Variants in ZNF746 observed in about 807,000 individuals in gnomAD.
ZNF746 encodes parkin-interacting substrate.
A neutral mutation model predicts 41.0 loss-of-function variants in ZNF746; 13 were observed. The observed-to-expected ratio is 0.32, with a 90% CI of 0.21 to 0.50. The LOEUF (loss-of-function observed/expected upper bound fraction) is 0.50. Among genes scored for constraint, ZNF746 ranks in the 20% least tolerant of loss-of-function variants. ZNF746 has a pLI of 0.98. For synonymous variants in ZNF746, 424 were observed against 396.2 expected (o/e 1.07, Z -0.83); for missense variants, 811 against 922.9 (o/e 0.88, Z 1.57).
At chr7:149,495,741 C>G (rs563604618) in intron 1 of ZNF746, among the ~76,000 whole-genome samples, 7 of 152,206 alleles carry the variant, frequency 4.6e-5, no homozygotes, top group African/African-American at 1.7e-4. Flanking sequence ...AAAATAGAGA[C>G]AAAAGGAGAG....
intron 4 of ZNF746, among the ~76,000 whole-genome samples, chr7:149,480,756 C>T (rs1440055168): frequency 6.6e-6 from 1 of 152,050 alleles, no homozygotes; most frequent in Non-Finnish European, 1.5e-5. Flanking sequence ...ATTTTAAAAT[C>T]CAATGTGTAG....
intron 4 of ZNF746, among the ~76,000 whole-genome samples, chr7:149,481,955 G>A (rs1411148686): frequency 2.6e-5 from 4 of 152,090 alleles, no homozygotes; most frequent in Non-Finnish European, 5.9e-5. Context: ...TAAGTACTCT[G>A]GTAGTCATGT....
intron 6 of ZNF746, 56 bp from the exon 7 acceptor site, chr7:149,475,539 C>T: frequency 3.2e-6 from 5 of 1,546,784 alleles, no homozygotes; most frequent in South Asian, 2.4e-5. Context: ...GAGCGAGCCA[C>T]GATCTGCCAC....
intron 4 of ZNF746, among the ~76,000 whole-genome samples, chr7:149,485,244 A>C (rs1800589319): frequency 6.6e-6 from 1 of 152,184 alleles, no homozygotes; most frequent in Non-Finnish European, 1.5e-5. Context: ...AGACAAACCA[A>C]ATGGAGTGAC....
chr7:149,475,574 G>T, intron 6 of ZNF746, 91 bp from the exon 7 acceptor site: 2 of 1,520,064 alleles, frequency 1.3e-6, no homozygotes, highest in Non-Finnish European at 1.8e-6. Flanking sequence ...CAGCTGCCTG[G>T]CCAGACAAAC....
intron 1 of ZNF746, chr7:149,496,713 A>G: frequency 1.7e-6 from 1 of 597,624 alleles, no homozygotes; most frequent in Non-Finnish European, 2.1e-6. Context: ...GCAGAGCATC[A>G]GGCCAGGAGG....
chr7:149,476,313 C>CAAAAAAAAAAA (rs55888950), intron 6 of ZNF746, among the ~76,000 whole-genome samples: 1 of 63,314 alleles, frequency 1.6e-5, no homozygotes, highest in East Asian at 4.4e-4. Context: ...GACTCCGCCT[C>CAAAAAAAAAAA]AAAAAAAAAA....
rs770661123 is a variant in ZNF746 at position 149,477,659 on chromosome 7, G to A, written c.662C>T (p.Ala221Val). 17 of 1,613,842 alleles carry A rather than the reference G, an allele frequency of 1.1e-5. No individual in the cohort carries two copies. Among genetic ancestry groups the A allele is most frequent in the East Asian group, 2.2e-5 (1 of 44,886 alleles). ...AATATCTGGCTGCCCGGCTGCCCAC[G>A]CCTCCACGCCCAGGGCCTGCTGCTC... is the stretch of plus-strand genomic sequence containing the variant. ...LQEQQALGVE[A>V]WAAGQPDIGE... Residue 221 changes from alanine to valine, a missense_variant, in exon 5 of 7, where the codon GCG (alanine) becomes GTG (valine). Physicochemically the swap from Ala to Val is moderately conservative, Grantham distance 64. Transcript: ENST00000458143.
At position 149,474,740 on chromosome 7, in the gene ZNF746, G is replaced by A. The variant is rs1800225116; in HGVS notation, c.1627C>T (p.Arg543Cys). ...RCFTRPAHLIRHRMLHTGERP... is the reference protein window; with the variant it reads ...RCFTRPAHLICHRMLHTGERP... Reference sequence around the variant, plus strand: ...TCGCCGGTGTGCAGCATGCGATGGCGGATGAGGTGCGCGGGGCGCGTGAAG... The same window carrying A: ...TCGCCGGTGTGCAGCATGCGATGGCAGATGAGGTGCGCGGGGCGCGTGAAG... The change falls in exon 7 of 7, where the codon CGC (arginine) becomes TGC (cysteine). Residue 543 changes from arginine (R) to cysteine (C), a missense_variant. Arg to Cys is a radical substitution (Grantham distance 180). This residue lies in a region of ZNF746 where 70 missense variants were observed against 127.6 expected (regional missense o/e 0.55). Coordinates refer to ENST00000458143, the MANE Select transcript of ZNF746 (RefSeq NM_001394198.1). The surrounding 1 kb of genome is among the most constrained non-coding windows in gnomAD (Gnocchi z 6.3). The A allele has an allele frequency of 1.2e-6, 2 of 1,607,334 alleles. No homozygotes were observed. The highest frequency in any genetic ancestry group is 1.7e-5 in the Admixed American group (1 of 59,410).
rs1800198557 is a variant in ZNF746 at position 149,474,223 on chromosome 7, C to T, written c.*161G>A. ...TACTTGGTTTAGAGGTGGCAGCTGT[C>T]CTGGTGGATAGTTTCTCTTTCTCCA... On this transcript the variant is annotated 3_prime_UTR_variant, in exon 7 of 7. Coordinates refer to ENST00000458143, the MANE Select transcript of ZNF746 (RefSeq NM_001394198.1). The surrounding 1 kb of genome is among the most constrained non-coding windows in gnomAD (Gnocchi z 6.3). 2 of 787,864 alleles carry T rather than the reference C, an allele frequency of 2.5e-6. No homozygotes were observed. Among genetic ancestry groups the T allele is most frequent in the South Asian group, 1.8e-5 (1 of 54,834 alleles). 48.8% of individuals were successfully genotyped at this position (787,864 alleles called of 1,614,324 possible). A position where few individuals can be genotyped will look rare whatever the true frequency, so the allele number is the denominator to read the frequency against.
At chr7:149,492,390 C>T (rs1457140087) in intron 4 of ZNF746, among the ~76,000 whole-genome samples, 3 of 152,228 alleles carry the variant, frequency 2.0e-5, no homozygotes, top group Admixed American at 6.5e-5. Flanking sequence ...CTATGTAACA[C>T]ACAGAACATA....
intron 4 of ZNF746, among the ~76,000 whole-genome samples, chr7:149,492,202 CCT>C (rs1344268156): frequency 6.6e-6 from 1 of 152,154 alleles, no homozygotes; most frequent in Non-Finnish European, 1.5e-5. Context: ...TTCTGTCACC[CCT>C]GAGACAGCTA....
chr7:149,497,114 C>T lies in ZNF746; in HGVS notation c.24+399G>A. ...TGTATGCGGATTCGAAGCCGGACAC[C>T]TCCCAGGTGCCACCAGGCCGCTGCG... is the stretch of plus-strand genomic sequence containing the variant. On this transcript the variant is annotated intron_variant, in intron 1 of 6. Coordinates refer to ENST00000458143, the MANE Select transcript of ZNF746 (RefSeq NM_001394198.1). The surrounding 1 kb of genome is among the most constrained non-coding windows in gnomAD (Gnocchi z 4.2). 2 of 985,348 alleles carry T rather than the reference C, an allele frequency of 2.0e-6. No homozygotes were observed. Among genetic ancestry groups the T allele is most frequent in the Non-Finnish European group, 1.2e-6 (1 of 829,906 alleles). The allele number at this position is 985,348 out of a possible 1,614,324, so 61.0% of individuals were successfully genotyped here. A position where few individuals can be genotyped will look rare whatever the true frequency, so the allele number is the denominator to read the frequency against.
chr7:149,497,479 G>C lies in ZNF746; in HGVS notation c.24+34C>G. On this transcript the variant is annotated intron_variant, in intron 1 of 6. Transcript: ENST00000458143. This position sits in a 1 kb window ranked among gnomAD's most constrained non-coding sequence, Gnocchi z 4.2. ...GGGCCGGGCCGCCTGGGGCCCCCAGGCCGCGAGTCCCTGCGCGCGCGGGTC... is the reference window on the plus strand; with the variant it reads ...GGGCCGGGCCGCCTGGGGCCCCCAGCCCGCGAGTCCCTGCGCGCGCGGGTC... 3 of 1,086,912 alleles carry C rather than the reference G, an allele frequency of 2.8e-6. No individual in the cohort carries two copies. Among genetic ancestry groups the C allele is most frequent in the Non-Finnish European group, 3.3e-6 (3 of 900,374 alleles). 67.3% of individuals were successfully genotyped at this position (1,086,912 alleles called of 1,614,324 possible).
Position 149,494,572 on chromosome 7 carries a change from C to A in ZNF746, c.25-69G>T. 1 of 1,583,992 alleles carries A rather than the reference C, an allele frequency of 6.3e-7. No homozygotes were observed. The highest frequency in any genetic ancestry group is 8.6e-7 in the Non-Finnish European group (1 of 1,161,760). Reference sequence around the variant, plus strand: ...CTGTCTTCATTGAGCCCCTCTCTCCCTAGGCACGGGGGAGTTGGGCTGGGA... The same window carrying A: ...CTGTCTTCATTGAGCCCCTCTCTCCATAGGCACGGGGGAGTTGGGCTGGGA... On this transcript the variant is annotated intron_variant, in intron 1 of 6. Transcript: ENST00000458143. The surrounding 1 kb of genome is among the most constrained non-coding windows in gnomAD (Gnocchi z 5.6).
Position 149,476,959 on chromosome 7 carries a change from G to A in ZNF746, c.846C>T (p.Asp282=), listed in dbSNP as rs769095804. The A allele has an allele frequency of 1.3e-5, 21 of 1,613,810 alleles. No homozygotes were observed. Among genetic ancestry groups the A allele is most frequent in the South Asian group, 4.4e-5 (4 of 91,058 alleles). ...CTGCTGTGTTGAGCTTCAGGGTCCC[G>A]TCCGAGCATGCTGAAGAGGGATGGT... ...PPHHPSSACS[D]GTLKLNTAAS... is the part of the protein sequence containing the mutation. The change falls in exon 6 of 7, where the codon GAC becomes GAT. Residue 282 remains aspartate (D), a synonymous_variant. Coordinates refer to ENST00000458143, the MANE Select transcript of ZNF746 (RefSeq NM_001394198.1).
At chr7:149,489,593 T>C (rs1800736626) in intron 4 of ZNF746, 1 of 152,354 alleles carries the variant, frequency 6.6e-6, no homozygotes, top group Admixed American at 6.5e-5. Context: ...TAGAGGGCAC[T>C]GCGAAGGCCC....
At chr7:149,478,088 A>G (rs10252201) in intron 4 of ZNF746, among the ~76,000 whole-genome samples, 4,730 of 152,222 alleles carry the variant, frequency 0.031, 271 homozygotes, top group African/African-American at 0.11. Context: ...AATGCTGAAC[A>G]AAAGTGAACC....
At chr7:149,475,505 A>C in intron 6 of ZNF746, 22 bp from the exon 7 acceptor site, 1 of 1,597,260 alleles carries the variant, frequency 6.3e-7, no homozygotes, top group Middle Eastern at 1.7e-4. Flanking sequence ...AGAAAGACAG[A>C]TACTGACCTG....
Sources: allele counts gnomAD v4.1 joint callset (sites outside exome capture counted in the v4.1 genomes callset), GRCh38; gene constraint gnomAD v4.1.1; regional missense constraint gnomAD v4.1.1; non-coding constraint Gnocchi (gnomAD v3.1); transcripts MANE v1.5; gene names NCBI Gene and HGNC (gene_info 2026-07-23, HGNC 2026-07-21).